E2F7: variants seen among roughly 807,000 people sequenced by gnomAD.
The protein encoded by E2F7 is transcription factor E2F7.
E2F7 carries 35 observed loss-of-function variants against 81.1 expected under a neutral mutation model. The ratio of observed to expected loss-of-function variants is 0.43; its 90% CI spans 0.33 to 0.57. E2F7 has a LOEUF of 0.57. Ranked by LOEUF, E2F7 falls within the 20% of genes least tolerant of loss-of-function variation. The pLI is 0.04. For missense variants in E2F7, 961 were observed against 1,093.7 expected (o/e 0.88, Z 1.71); for synonymous variants, 416 against 416.2 (o/e 1.00, Z 0.01).
intron 3 of E2F7, among the ~76,000 whole-genome samples, chr12:77,051,918 G>C (rs1272947531): frequency 6.6e-6 from 1 of 152,110 alleles, no homozygotes; most frequent in Non-Finnish European, 1.5e-5. Flanking sequence ...AAACTCAAAA[G>C]AATTTCAGAC....
In E2F7 at chr12:77,042,950, T is replaced by C; in HGVS notation, c.1123+115A>G. 4 of 1,513,786 alleles carry C rather than the reference T, an allele frequency of 2.6e-6. No homozygotes were observed. In the South Asian group the frequency reaches 5.0e-5, roughly 19 times the overall value. The allele number at this position is 1,513,786 out of a possible 1,614,324, so 93.8% of individuals were successfully genotyped here. On this transcript the variant is annotated intron_variant, in intron 7 of 12. Coordinates refer to ENST00000322886, the MANE Select transcript of E2F7 (RefSeq NM_203394.3). The stretch of plus-strand genomic sequence containing the variant: ...TTCCAAGAGTGGAGTCACTAGTCTA[T>C]TTTGTATGTGACATGGGAAAAAGAT...
At chr12:77,062,881 G>C (rs1023155312) in intron 2 of E2F7, among the ~76,000 whole-genome samples, 5 of 125,398 alleles carry the variant, frequency 4.0e-5, no homozygotes, top group African/African-American at 1.5e-4. Flanking sequence ...TCATGACTTA[G>C]ATAATTAAAA....
At chr12:77,043,040 T>C (rs1173391381) in intron 7 of E2F7, 25 bp downstream of exon 7, 1 of 1,613,818 alleles carries the variant, frequency 6.2e-7, no homozygotes, top group South Asian at 1.1e-5. Context: ...TAAAACAGCC[T>C]GCTAGCAAAA....
At chr12:77,037,494 G>T (rs553125526) in intron 7 of E2F7, among the ~76,000 whole-genome samples, 1 of 152,270 alleles carries the variant, frequency 6.6e-6, no homozygotes, top group South Asian at 2.1e-4. Flanking sequence ...GCAGTAAAAT[G>T]TTTGACAACA....
At chr12:77,042,530 CCA>C (rs1048108178) in intron 7 of E2F7, among the ~76,000 whole-genome samples, 3 of 152,094 alleles carry the variant, frequency 2.0e-5, no homozygotes, top group Non-Finnish European at 4.4e-5. Flanking sequence ...CTCTTTGACT[CCA>C]GTTTTGTAAA....
intron 5 of E2F7, among the ~76,000 whole-genome samples, chr12:77,045,091 G>A (rs1334635417): frequency 6.6e-6 from 1 of 152,124 alleles, no homozygotes; most frequent in African/African-American, 2.4e-5. Context: ...TAGTTTTCCT[G>A]AAGCAACTTC....
chr12:77,061,196 G>A (rs916209245), intron 2 of E2F7, among the ~76,000 whole-genome samples: 1 of 152,070 alleles, frequency 6.6e-6, no homozygotes, highest in Non-Finnish European at 1.5e-5. Flanking sequence ...TTCCTGTTCG[G>A]ACCTGATTAC....
intron 2 of E2F7, among the ~76,000 whole-genome samples, chr12:77,056,735 G>A (rs543728088): frequency 5.1e-4 from 78 of 152,156 alleles, no homozygotes; most frequent in Middle Eastern, 3.4e-3. Context: ...TACTTCACAG[G>A]ACTAATGTGC....
intron 10 of E2F7, among the ~76,000 whole-genome samples, chr12:77,028,963 C>A (rs2120626770): frequency 6.6e-6 from 1 of 152,232 alleles, no homozygotes; most frequent in South Asian, 2.1e-4. Context: ...GAGATTTTAG[C>A]AATGGAAAAC....
At position 77,022,817 on chromosome 12, in the gene E2F7, AAC is replaced by A. The variant is rs1361397746; in HGVS notation, c.*1196_*1197del. The A allele has an allele frequency of 1.3e-5, 2 of 152,188 alleles. No individual in the cohort carries two copies. The highest frequency in any genetic ancestry group is 2.4e-5 in the African/African-American group (1 of 41,452). The allele number at this position is 152,188 out of a possible 1,614,324, so 9.4% of individuals were successfully genotyped here. ...GTGGGTTAAAAAAGGGAAATTGCAT[AAC>A]AGTTTCCAGAATTGTATTCATGCTA... On this transcript the variant is annotated 3_prime_UTR_variant, in exon 13 of 13. Transcript: ENST00000322886.
At chr12:77,040,456 T>C (rs979744173) in intron 7 of E2F7, among the ~76,000 whole-genome samples, 2 of 152,174 alleles carry the variant, frequency 1.3e-5, no homozygotes, top group South Asian at 2.1e-4. Flanking sequence ...AACAAGTGCA[T>C]TGGGAGACCC....
chr12:77,050,435 G>A (rs183847644), intron 4 of E2F7, 141 bp downstream of exon 4: 16 of 781,792 alleles, frequency 2.0e-5, no homozygotes, highest in African/African-American at 3.5e-5. Context: ...CAAATTTGAC[G>A]ATGACAAAGG....
At position 77,043,155 on chromosome 12, in the gene E2F7, A is replaced by G. The variant is rs777403776; in HGVS notation, c.1033T>C (p.Leu345=). The G allele has an allele frequency of 6.2e-7, 1 of 1,614,194 alleles. No individual in the cohort carries two copies. The highest frequency in any genetic ancestry group is 1.6e-4 in the Middle Eastern group (1 of 6,062). Residue 345 remains leucine, a synonymous_variant, in exon 7 of 13, where the codon TTG becomes CTG. Transcript: ENST00000322886. ...ACATGCACTTTCTTTATCAGAGCCAAGCTGGTCAGAACATTGGCTATGTCA... is the reference window on the plus strand; with the variant it reads ...ACATGCACTTTCTTTATCAGAGCCAGGCTGGTCAGAACATTGGCTATGTCA... ...LYDIANVLTS[L]ALIKKVHVTE...
intron 2 of E2F7, among the ~76,000 whole-genome samples, chr12:77,063,386 G>A (rs1955093298): frequency 6.6e-6 from 1 of 152,106 alleles, no homozygotes; most frequent in Admixed American, 6.5e-5. Context: ...GAATGAAAGA[G>A]AAATTCATGC....
intron 7 of E2F7, among the ~76,000 whole-genome samples, chr12:77,039,445 T>C (rs967829574): frequency 6.6e-6 from 1 of 152,182 alleles, no homozygotes; most frequent in African/African-American, 2.4e-5. Context: ...GCAGAATGTA[T>C]ATACAACTCT....
At chr12:77,029,391 C>G (rs1954785137) in intron 10 of E2F7, among the ~76,000 whole-genome samples, 1 of 152,140 alleles carries the variant, frequency 6.6e-6, no homozygotes, top group Admixed American at 6.5e-5. Flanking sequence ...GATCACTGAA[C>G]ACTGAAGAGA....
rs1233792547 is a variant in E2F7 at position 77,029,981 on chromosome 12, T to C, written c.1734A>G (p.Ser578=). Residue 578 remains serine (S), a synonymous_variant, in exon 10 of 13, where the codon TCA becomes TCG. Transcript: ENST00000322886. ...ACAGCTCTACTGTGGCTGGGGCTTC[T>C]GAGCTTCTGTCATCCCTCTCTGACC... ...GSGSERDDRS[S]EAPATVELSS... The C allele has an allele frequency of 1.9e-6, 3 of 1,614,118 alleles. No individual in the cohort carries two copies. In the African/African-American group the frequency reaches 4.0e-5, roughly 22 times the overall value.
intron 2 of E2F7, among the ~76,000 whole-genome samples, chr12:77,056,342 A>G (rs986357016): frequency 1.3e-5 from 2 of 152,208 alleles, no homozygotes; most frequent in African/African-American, 4.8e-5. Flanking sequence ...TACTCCTTTT[A>G]CACCTATCTT....
In E2F7 at chr12:77,033,491, G is replaced by A. The variant is rs564219039; in HGVS notation, c.1309+366C>T. On this transcript the variant is annotated intron_variant, in intron 8 of 12. Coordinates refer to ENST00000322886, the MANE Select transcript of E2F7 (RefSeq NM_203394.3). ...CATGCCACTGTACTCCAGCCTGGGTGACAGAGTGACCTTTCTCTCAAAAGA... is the reference window on the plus strand; with the variant it reads ...CATGCCACTGTACTCCAGCCTGGGTAACAGAGTGACCTTTCTCTCAAAAGA... Among the ~76,000 whole-genome samples the A allele has an allele frequency of 2.0e-5, 3 of 152,220 alleles. No individual in the cohort carries two copies. In the East Asian group the frequency reaches 5.8e-4, roughly 29 times the overall value.
Sources: allele counts gnomAD v4.1 joint callset (sites outside exome capture counted in the v4.1 genomes callset), GRCh38; gene constraint gnomAD v4.1.1; transcripts MANE v1.5; gene names NCBI Gene and HGNC (gene_info 2026-07-23, HGNC 2026-07-21).